BCAR3: variants seen among roughly 807,000 people sequenced by gnomAD.
BCAR3 encodes BCAR3 adaptor protein, NSP family member.
BCAR3 carries 37 observed loss-of-function variants against 80.1 expected under a neutral mutation model. The ratio of observed to expected loss-of-function variants is 0.46; its 90% confidence interval spans 0.36 to 0.61. The LOEUF is 0.61. Among genes scored for constraint, BCAR3 ranks in the 20% least tolerant of loss-of-function variants. The pLI is 0.00. For missense variants in BCAR3, 978 were observed against 1,068.2 expected (o/e 0.92, Z 1.18); for synonymous variants, 389 against 418.9 (o/e 0.93, Z 0.87).
intron 2 of BCAR3, among the ~76,000 whole-genome samples, chr1:93,713,450 T>G (rs955600454): frequency 6.6e-6 from 1 of 152,170 alleles, no homozygotes; most frequent in Non-Finnish European, 1.5e-5. Context: ...GGTGATGTCA[T>G]CAAGCATGCC....
intron 2 of BCAR3, among the ~76,000 whole-genome samples, chr1:93,719,345 T>TTG (rs1449841679): frequency 2.3e-5 from 3 of 132,878 alleles, no homozygotes; most frequent in African/African-American, 5.7e-5. Context: ...TTTTTTTTTT[T>TTG]TTTTTTTTTT....
chr1:93,796,362 G>A (rs1259080174), intron 2 of BCAR3, among the ~76,000 whole-genome samples: 3 of 144,144 alleles, frequency 2.1e-5, no homozygotes, highest in Admixed American at 6.9e-5. Flanking sequence ...CTCGTGGTGC[G>A]CCGTTTTTTA....
intron 6 of BCAR3, among the ~76,000 whole-genome samples, chr1:93,583,392 G>GA (rs1673808361): frequency 6.6e-6 from 1 of 152,200 alleles, no homozygotes; most frequent in Non-Finnish European, 1.5e-5. Context: ...ACAGGGAAGG[G>GA]AAAAGAGACA....
At chr1:93,712,342 T>G (rs1189645096) in intron 2 of BCAR3, among the ~76,000 whole-genome samples, 1 of 152,184 alleles carries the variant, frequency 6.6e-6, no homozygotes, top group Non-Finnish European at 1.5e-5. Context: ...TAAGCTCCCA[T>G]GAGTGGTACA....
Position 93,626,156 on chromosome 1 carries a change from T to C in BCAR3, c.357+16148A>G, listed in dbSNP as rs76202824. The stretch of plus-strand genomic sequence containing the variant: ...CATTTCCAGAGGTGTCACAATCCAC[T>C]CCACTGCAAGGAACAGGCCCACAAT... On this transcript the variant is annotated intron_variant, in intron 3 of 11. Transcript: ENST00000260502. 3.2e-3 allele frequency among the ~76,000 whole-genome samples: 491 copies of C among 152,328 alleles called. 3 individuals are homozygous for C. Among genetic ancestry groups the C allele is most frequent in the African/African-American group, 0.011 (455 of 41,574 alleles).
intron 3 of BCAR3, among the ~76,000 whole-genome samples, chr1:93,615,538 A>C (rs966469865): frequency 6.6e-6 from 1 of 152,200 alleles, no homozygotes; most frequent in Non-Finnish European, 1.5e-5. Flanking sequence ...CCCAGGCCAC[A>C]GAAAGTCCAC....
rs1168723866 is a variant in BCAR3 at position 93,829,672 on chromosome 1, T to C, written c.-63+15895A>G. Among the ~76,000 whole-genome samples, 7 of 152,322 alleles carry C rather than the reference T, an allele frequency of 4.6e-5. No homozygotes were observed. The South Asian group carries it at 8.3e-4, about 18-fold the overall frequency. ...GGCCTAAAACTTTGATTAAATAAAT[T>C]TGCCATGCTTTTCCCTTGTTAATTT... On this transcript the variant is annotated intron_variant, in intron 2 of 13. Transcript: ENST00000370244.
intron 3 of BCAR3, among the ~76,000 whole-genome samples, chr1:93,700,611 T>C (rs1191705950): frequency 6.6e-6 from 1 of 151,998 alleles, no homozygotes; most frequent in Non-Finnish European, 1.5e-5. Flanking sequence ...CTCCCCTCCT[T>C]GGCAGATGGA....
At chr1:93,597,772 G>A (rs1674475902) in intron 3 of BCAR3, among the ~76,000 whole-genome samples, 1 of 152,214 alleles carries the variant, frequency 6.6e-6, no homozygotes, top group Non-Finnish European at 1.5e-5. Flanking sequence ...TGGGAGGCAA[G>A]CAGTTAAGGA....
intron 3 of BCAR3, among the ~76,000 whole-genome samples, chr1:93,611,760 T>C (rs540565521): frequency 1.6e-4 from 24 of 152,316 alleles, no homozygotes; most frequent in African/African-American, 5.5e-4. Flanking sequence ...CATTCTCCTA[T>C]GTAAGGAGGG....
upstream of BCAR3, among the ~76,000 whole-genome samples, chr1:93,682,193 G>A (rs1223226138): frequency 2.0e-5 from 3 of 152,174 alleles, no homozygotes; most frequent in Non-Finnish European, 4.4e-5. Flanking sequence ...CAAAGCCCCA[G>A]GTAACCACAA....
At chr1:93,713,190 G>A (rs528983349) in intron 2 of BCAR3, among the ~76,000 whole-genome samples, 9 of 152,290 alleles carry the variant, frequency 5.9e-5, no homozygotes, top group Admixed American at 5.9e-4. Flanking sequence ...GACACGGGTA[G>A]TGGCTTCTGT....
At chr1:93,750,369 C>G (rs2100708110) in intron 2 of BCAR3, among the ~76,000 whole-genome samples, 1 of 152,358 alleles carries the variant, frequency 6.6e-6, no homozygotes, top group Non-Finnish European at 1.5e-5. Context: ...TGCTACCTGT[C>G]CTGCTCACCA....
chr1:93,682,701 C>A (rs1405168703), upstream of BCAR3, among the ~76,000 whole-genome samples: 1 of 152,162 alleles, frequency 6.6e-6, no homozygotes, highest in Non-Finnish European at 1.5e-5. Context: ...ATTACAGGCG[C>A]ACGCCACTAT....
At chr1:93,812,427 G>A (rs1327435938) in intron 2 of BCAR3, among the ~76,000 whole-genome samples, 4 of 152,080 alleles carry the variant, frequency 2.6e-5, no homozygotes, top group African/African-American at 7.2e-5. Flanking sequence ...TCCACCATAG[G>A]CTCTGCACCA....
intron 2 of BCAR3, among the ~76,000 whole-genome samples, chr1:93,837,150 A>G (rs1258753913): frequency 6.6e-6 from 1 of 152,162 alleles, no homozygotes; most frequent in Non-Finnish European, 1.5e-5. Context: ...CCCGGGAGGC[A>G]GGGTTGCAGT....
chr1:93,605,607 C>A (rs1674751126), intron 3 of BCAR3: 1 of 152,204 alleles, frequency 6.6e-6, no homozygotes, highest in South Asian at 2.1e-4. Flanking sequence ...AAGATCCAAG[C>A]CAGAAATCCT....
chr1:93,657,780 T>C (rs1482736144), intron 2 of BCAR3, among the ~76,000 whole-genome samples: 2 of 151,612 alleles, frequency 1.3e-5, no homozygotes, highest in South Asian at 2.1e-4. Context: ...CTTTTCATAA[T>C]GTCTGGAATT....
chr1:93,741,209 A>G (rs1651163457), intron 2 of BCAR3, among the ~76,000 whole-genome samples: 1 of 152,248 alleles, frequency 6.6e-6, no homozygotes, highest in African/African-American at 2.4e-5. Flanking sequence ...TCCCAATGAC[A>G]GCAACGGCAG....
Sources: gnomAD v4.1 joint callset for allele counts (sites outside exome capture counted in the v4.1 genomes callset) on GRCh38, gnomAD v4.1.1 for gene constraint, MANE v1.5 for transcripts, NCBI Gene and HGNC (gene_info 2026-07-23, HGNC 2026-07-21) for gene names.